C6: variants seen among roughly 807,000 people sequenced by gnomAD.
C6 encodes the protein complement C6, also known as complement component C6.
Under a neutral mutation model 112.9 loss-of-function variants are expected in C6, and 101 were observed. The observed-to-expected ratio is 0.89, with a 90% confidence interval of 0.76 to 1.06. C6 has a LOEUF of 1.06. Ranked by LOEUF, C6 falls within the 50% of genes least tolerant of loss-of-function variation. C6 has a pLI of 0.00. For synonymous variants in C6, 431 were observed against 384.1 expected (o/e 1.12, Z -1.43); for missense variants, 1,202 against 1,104.6 (o/e 1.09, Z -1.25).
intron 9 of C6, 92 bp downstream of exon 9, chr5:41,172,133 C>T: frequency 7.6e-7 from 1 of 1,320,048 alleles, no homozygotes; most frequent in Non-Finnish European, 1.1e-6. Flanking sequence ...AAATGAAAAG[C>T]TAAAAATAGC....
intron 1 of C6, among the ~76,000 whole-genome samples, chr5:41,244,555 A>G (rs945898649): frequency 1.3e-5 from 2 of 152,194 alleles, no homozygotes; most frequent in Admixed American, 1.3e-4. Flanking sequence ...TATTGCTTCA[A>G]TAACTACCTG....
chr5:41,198,047 C>A (rs1365812764), intron 4 of C6, among the ~76,000 whole-genome samples: 1 of 152,124 alleles, frequency 6.6e-6, no homozygotes, highest in Non-Finnish European at 1.5e-5. Context: ...TGCAAATTCT[C>A]TAGTCTTTTA....
intron 1 of C6, among the ~76,000 whole-genome samples, chr5:41,249,134 T>C (rs1008027071): frequency 6.6e-6 from 1 of 152,102 alleles, no homozygotes; most frequent in Non-Finnish European, 1.5e-5. Flanking sequence ...ATGGAAACAA[T>C]AGACACTGGG....
At chr5:41,235,548 T>C (rs1740240955) in intron 1 of C6, among the ~76,000 whole-genome samples, 1 of 144,622 alleles carries the variant, frequency 6.9e-6, no homozygotes, top group African/African-American at 2.6e-5. Context: ...CGTGTGCATG[T>C]GTCTTTATAG....
chr5:41,206,831 AC>A (rs1751476783), intron 1 of C6, among the ~76,000 whole-genome samples: 1 of 152,210 alleles, frequency 6.6e-6, no homozygotes, highest in South Asian at 2.1e-4. Context: ...AACTTCCCCA[AC>A]CTAGAAAGGC....
At chr5:41,170,428 C>A (rs1199694377) in intron 9 of C6, among the ~76,000 whole-genome samples, 4 of 151,698 alleles carry the variant, frequency 2.6e-5, no homozygotes, top group African/African-American at 9.7e-5. Flanking sequence ...TGTATTTAAT[C>A]TGTCTATCTC....
intron 1 of C6, among the ~76,000 whole-genome samples, chr5:41,232,773 A>G (rs182742835): frequency 6.6e-6 from 1 of 152,128 alleles, no homozygotes; most frequent in Admixed American, 6.6e-5. Context: ...ATCAACTCTC[A>G]TATTAATTAG....
At chr5:41,156,054 A>G (rs975280096) in intron 13 of C6, among the ~76,000 whole-genome samples, 14 of 152,178 alleles carry the variant, frequency 9.2e-5, no homozygotes, top group African/African-American at 1.7e-4. Flanking sequence ...TACAATTTTC[A>G]AGGTAAAGTG....
At chr5:41,250,679 A>T (rs1252896759) in intron 1 of C6, among the ~76,000 whole-genome samples, 1 of 152,178 alleles carries the variant, frequency 6.6e-6, no homozygotes, top group Non-Finnish European at 1.5e-5. Flanking sequence ...CTAGAATGAG[A>T]TCACATAGAG....
At chr5:41,179,107 G>T (rs1221791539) in intron 7 of C6, among the ~76,000 whole-genome samples, 2 of 152,020 alleles carry the variant, frequency 1.3e-5, no homozygotes, top group Non-Finnish European at 2.9e-5. Context: ...GCCCACCTTG[G>T]CCTTCCAAAG....
intron 7 of C6, among the ~76,000 whole-genome samples, chr5:41,179,418 A>G (rs4957376): frequency 0.026 from 3,990 of 152,128 alleles, 145 homozygotes; most frequent in Admixed American, 0.1. Context: ...ATCATTGACT[A>G]TGTTTATAAG....
intron 17 of C6, among the ~76,000 whole-genome samples, chr5:41,143,340 A>G (rs1157092188): frequency 2.6e-5 from 4 of 152,078 alleles, no homozygotes; most frequent in African/African-American, 7.2e-5. Context: ...TCCACATCCA[A>G]TGAGGATTTG....
At chr5:41,198,501 G>A (rs1750774201) in intron 4 of C6, among the ~76,000 whole-genome samples, 1 of 152,070 alleles carries the variant, frequency 6.6e-6, no homozygotes, top group South Asian at 2.1e-4. Flanking sequence ...TGGGAAGCAG[G>A]GCATGGGTTA....
intron 1 of C6, among the ~76,000 whole-genome samples, chr5:41,236,236 T>C (rs1315731690): frequency 9.6e-6 from 1 of 103,924 alleles, no homozygotes; most frequent in Admixed American, 1.1e-4. Flanking sequence ...CTTTAATCCA[T>C]CTTGAATTGA....
chr5:41,154,827 T>C (rs1746740690), intron 14 of C6, 145 bp downstream of exon 14: 1 of 825,834 alleles, frequency 1.2e-6, no homozygotes. Context: ...AGCCCTTCTA[T>C]TTATTTTCTG....
At chr5:41,212,046 G>A (rs1363660729) in intron 1 of C6, among the ~76,000 whole-genome samples, 1 of 151,920 alleles carries the variant, frequency 6.6e-6, no homozygotes, top group Non-Finnish European at 1.5e-5. Context: ...AAATTAAGAT[G>A]GTAACATTAA....
intron 5 of C6, among the ~76,000 whole-genome samples, chr5:41,192,667 T>C (rs548590102): frequency 6.6e-6 from 1 of 152,336 alleles, no homozygotes; most frequent in African/African-American, 2.4e-5. Flanking sequence ...GGCATATTGC[T>C]GTTTATAATA....
chr5:41,234,579 C>A (rs531866457), intron 1 of C6, among the ~76,000 whole-genome samples: 22 of 151,984 alleles, frequency 1.4e-4, no homozygotes, highest in Admixed American at 2.0e-4. Context: ...GTGGAAATAT[C>A]ATTGCTCTGT....
intron 5 of C6, among the ~76,000 whole-genome samples, chr5:41,189,759 C>T (rs1428989908): frequency 6.6e-6 from 1 of 152,046 alleles, no homozygotes; most frequent in Non-Finnish European, 1.5e-5. Flanking sequence ...CAATCTCTTC[C>T]TATCCTCCCC....
Sources: gnomAD v4.1 joint callset for allele counts (sites outside exome capture counted in the v4.1 genomes callset) on GRCh38, gnomAD v4.1.1 for gene constraint, MANE v1.5 for transcripts, NCBI Gene and HGNC (gene_info 2026-07-23, HGNC 2026-07-21) for gene names.